Variants in SPRYD4 observed in about 807,000 individuals in gnomAD.
SPRYD4 encodes the protein SPRY domain-containing protein 4.
A neutral mutation model predicts 16.6 loss-of-function variants in SPRYD4; 12 were observed. The ratio of observed to expected loss-of-function variants is 0.72; its 90% CI spans 0.46 to 1.17. The LOEUF is 1.17. Ranked by LOEUF, SPRYD4 falls within the 50% of genes most tolerant of loss-of-function variation. SPRYD4 has a pLI of 0.00. For synonymous variants in SPRYD4, 98 were observed against 105.4 expected (o/e 0.93, Z 0.43); for missense variants, 260 against 260.2 (o/e 1.00, Z 0.00).
At position 56,472,623 on chromosome 12, in the gene SPRYD4, G is replaced by A. The variant is rs542322164; in HGVS notation, c.*3046G>A. The stretch of plus-strand genomic sequence containing the variant: ...CTGAAGCACTTAACTATTTTGTTAC[G>A]CTGCCTCCTAGTAAAATCTCTGACC... On this transcript the variant is annotated 3_prime_UTR_variant, in exon 2 of 2. Transcript: ENST00000338146. 25 of 1,392,990 alleles carry A rather than the reference G, an allele frequency of 1.8e-5. No homozygotes were observed. Among genetic ancestry groups the A allele is most frequent in the South Asian group, 3.5e-5 (3 of 85,498 alleles). 86.3% of individuals were successfully genotyped at this position (1,392,990 alleles called of 1,614,324 possible). A position where few individuals can be genotyped will look rare whatever the true frequency, so the allele number is the denominator to read the frequency against.
At position 56,472,421 on chromosome 12, in the gene SPRYD4, T is replaced by C; in HGVS notation, c.*2844T>C. 1.7e-6 allele frequency: 1 copy of C among 605,404 alleles called. No individual in the cohort carries two copies. The highest frequency in any genetic ancestry group is 2.9e-6 in the Non-Finnish European group (1 of 343,496). 37.5% of individuals were successfully genotyped at this position (605,404 alleles called of 1,614,324 possible). A position where few individuals can be genotyped will look rare whatever the true frequency, so the allele number is the denominator to read the frequency against. ...CCAGAAATATCACTCACTGCCTACC[T>C]GTGGTAAGTGCCCATTTGAGGCAGG... On this transcript the variant is annotated 3_prime_UTR_variant, in exon 2 of 2. Transcript: ENST00000338146.
Position 56,470,478 on chromosome 12 carries a change from C to T in SPRYD4, c.*901C>T, listed in dbSNP as rs1047669677. On this transcript the variant is annotated 3_prime_UTR_variant, in exon 2 of 2. Transcript: ENST00000338146. ...TAGCTAGGATTACAGGTGTGTGCCA[C>T]CATGCCCGTCTCATTTTTATATTTT... The T allele has an allele frequency of 5.9e-5, 9 of 152,156 alleles. No individual in the cohort carries two copies. Among genetic ancestry groups the T allele is most frequent in the African/African-American group, 2.2e-4 (9 of 41,420 alleles). 9.4% of individuals were successfully genotyped at this position (152,156 alleles called of 1,614,324 possible). A position where few individuals can be genotyped will look rare whatever the true frequency, so the allele number is the denominator to read the frequency against.
rs1251094046 is a variant in SPRYD4 at position 56,469,677 on chromosome 12, C to T, written c.*100C>T. On this transcript the variant is annotated 3_prime_UTR_variant, in exon 2 of 2. Transcript: ENST00000338146. ...TGCCTCAAGCAACCTCTAGCTCCCACAATTCAGTGTTGGGTCCTCTGTGCA... is the reference window on the plus strand; with the variant it reads ...TGCCTCAAGCAACCTCTAGCTCCCATAATTCAGTGTTGGGTCCTCTGTGCA... 6 of 1,181,204 alleles carry T rather than the reference C, an allele frequency of 5.1e-6. No homozygotes were observed. Among genetic ancestry groups the T allele is most frequent in the African/African-American group, 4.6e-5 (3 of 64,840 alleles). The allele number at this position is 1,181,204 out of a possible 1,614,324, so 73.2% of individuals were successfully genotyped here.
In SPRYD4 at chr12:56,471,650, G is replaced by C; in HGVS notation, c.*2073G>C. On this transcript the variant is annotated 3_prime_UTR_variant, in exon 2 of 2. Coordinates refer to ENST00000338146, the MANE Select transcript of SPRYD4 (RefSeq NM_207344.4). The stretch of plus-strand genomic sequence containing the variant: ...CAGGGGAATGTTGCCCCACCTGAGA[G>C]GAATAATGATATGATCAGGCAAAGG... The C allele has an allele frequency of 6.2e-7, 1 of 1,613,910 alleles. No individual in the cohort carries two copies. Among genetic ancestry groups the C allele is most frequent in the Non-Finnish European group, 8.5e-7 (1 of 1,179,870 alleles).
In SPRYD4 at chr12:56,475,147, G is replaced by A. The variant is rs1275060438; in HGVS notation, c.*5570G>A. 6.2e-7 allele frequency: 1 copy of A among 1,613,178 alleles called. No homozygotes were observed. The highest frequency in any genetic ancestry group is 8.5e-7 in the Non-Finnish European group (1 of 1,180,036). On this transcript the variant is annotated 3_prime_UTR_variant, in exon 2 of 2. Coordinates refer to ENST00000338146, the MANE Select transcript of SPRYD4 (RefSeq NM_207344.4). ...ACCCAATTTAGTACTTGAAGTTGGAGGAGTGGGTGTTGGGAGAAGGGGAAA... is the reference window on the plus strand; with the variant it reads ...ACCCAATTTAGTACTTGAAGTTGGAAGAGTGGGTGTTGGGAGAAGGGGAAA...
rs945265911 is a variant in SPRYD4, at chr12:56,473,222, C to A, written c.*3645C>A. 4.3e-6 allele frequency: 7 copies of A among 1,613,658 alleles called. No homozygotes were observed. The highest frequency in any genetic ancestry group is 5.9e-6 in the Non-Finnish European group (7 of 1,179,724). The stretch of plus-strand genomic sequence containing the variant: ...ATTCTTACAAGCCACCTGGAGTTTT[C>A]CTTACCCGAATTTCTGCCCCTTCAC... On this transcript the variant is annotated 3_prime_UTR_variant, in exon 2 of 2. Transcript: ENST00000338146.
chr12:56,469,622 C>T lies in SPRYD4; in HGVS notation c.*45C>T, dbSNP rs934501961. On this transcript the variant is annotated 3_prime_UTR_variant, in exon 2 of 2. Transcript: ENST00000338146. ...CCTAATCACGCCTTTGGCCAGCCTC[C>T]TTTTGAAAGTGTCCGAAGCCTTTTT... The T allele has an allele frequency of 7.0e-5, 108 of 1,552,016 alleles. No homozygotes were observed. The highest frequency in any genetic ancestry group is 9.1e-5 in the Non-Finnish European group (104 of 1,148,818).
In SPRYD4 at chr12:56,470,717, G is replaced by C. The variant is rs1359782844; in HGVS notation, c.*1140G>C. 6.6e-6 allele frequency: 1 copy of C among 152,168 alleles called. No homozygotes were observed. The highest frequency in any genetic ancestry group is 1.9e-4 in the East Asian group (1 of 5,190). The allele number at this position is 152,168 out of a possible 1,614,324, so 9.4% of individuals were successfully genotyped here. The stretch of plus-strand genomic sequence containing the variant: ...GGAGGCCTGAGGTTTTGCACAATCT[G>C]TTTCAGAGCCTGTTTAGACTCAAAC... On this transcript the variant is annotated 3_prime_UTR_variant, in exon 2 of 2. Coordinates refer to ENST00000338146, the MANE Select transcript of SPRYD4 (RefSeq NM_207344.4).
In SPRYD4 at chr12:56,474,967, G is replaced by C; in HGVS notation, c.*5390G>C. On this transcript the variant is annotated 3_prime_UTR_variant, in exon 2 of 2. Transcript: ENST00000338146. ...CTTTCACACTGTCAGGGTCTCAGCT[G>C]AAGCCCCCAACCCCTACTGCCCTTC... The C allele has an allele frequency of 6.2e-7, 1 of 1,613,696 alleles. No homozygotes were observed. Among genetic ancestry groups the C allele is most frequent in the Non-Finnish European group, 8.5e-7 (1 of 1,179,872 alleles).
In SPRYD4 at chr12:56,468,584, G is replaced by A. The variant is rs1308648139; in HGVS notation, c.-8G>A. 1.2e-6 allele frequency: 2 copies of A among 1,612,604 alleles called. No homozygotes were observed. The highest frequency in any genetic ancestry group is 1.7e-6 in the Non-Finnish European group (2 of 1,179,802). ...CGGGAGGCGTGCCCGGTTCATCCAA[G>A]GCGCAAGATGGCGCTGCTTTTTGCA... On this transcript the variant is annotated 5_prime_UTR_variant, in exon 1 of 2. Coordinates refer to ENST00000338146, the MANE Select transcript of SPRYD4 (RefSeq NM_207344.4).
chr12:56,475,442 A>G lies in SPRYD4; in HGVS notation c.*5865A>G. ...CTCATTATGTACTAATTAGAAATGG[A>G]ACAAATTATTTTACAAGATAAACAA... On this transcript the variant is annotated 3_prime_UTR_variant, in exon 2 of 2. Transcript: ENST00000338146. 1.4e-6 allele frequency: 1 copy of G among 719,486 alleles called. No homozygotes were observed. Among genetic ancestry groups the G allele is most frequent in the South Asian group, 1.9e-5 (1 of 52,498 alleles). 44.6% of individuals were successfully genotyped at this position (719,486 alleles called of 1,614,324 possible). A position where few individuals can be genotyped will look rare whatever the true frequency, so the allele number is the denominator to read the frequency against.
chr12:56,475,113 G>T lies in SPRYD4; in HGVS notation c.*5536G>T. On this transcript the variant is annotated 3_prime_UTR_variant, in exon 2 of 2. Coordinates refer to ENST00000338146, the MANE Select transcript of SPRYD4 (RefSeq NM_207344.4). ...CTGTTTCCTTCTCTGACTGGAATCT[G>T]AAGCAAACACCCAATTTAGTACTTG... 6.2e-7 allele frequency: 1 copy of T among 1,614,008 alleles called. No homozygotes were observed. The highest frequency in any genetic ancestry group is 8.5e-7 in the Non-Finnish European group (1 of 1,180,044).
Position 56,474,965 on chromosome 12 carries a change from C to G in SPRYD4, c.*5388C>G. 6.2e-7 allele frequency: 1 copy of G among 1,613,722 alleles called. No homozygotes were observed. The highest frequency in any genetic ancestry group is 1.7e-5 in the Admixed American group (1 of 60,016). Reference sequence around the variant, plus strand: ...CCCTTTCACACTGTCAGGGTCTCAGCTGAAGCCCCCAACCCCTACTGCCCT... The same window carrying G: ...CCCTTTCACACTGTCAGGGTCTCAGGTGAAGCCCCCAACCCCTACTGCCCT... On this transcript the variant is annotated 3_prime_UTR_variant, in exon 2 of 2. Transcript: ENST00000338146.
In SPRYD4 at chr12:56,476,296, G is replaced by A. The variant is rs530258995; in HGVS notation, c.*6719G>A. Reference sequence around the variant, plus strand: ...TCCCACTTCAGCCTCCAAGTAGCTCGGATTACAGGCATGAGCCAGCTTGCT... The same window carrying A: ...TCCCACTTCAGCCTCCAAGTAGCTCAGATTACAGGCATGAGCCAGCTTGCT... On this transcript the variant is annotated 3_prime_UTR_variant, in exon 2 of 2. Transcript: ENST00000338146. 2.7e-3 allele frequency: 880 copies of A among 324,064 alleles called. 8 individuals carry two copies. Among genetic ancestry groups the A allele is most frequent in the Middle Eastern group, 9.9e-3 (10 of 1,010 alleles). 20.1% of individuals were successfully genotyped at this position (324,064 alleles called of 1,614,324 possible). A position where few individuals can be genotyped will look rare whatever the true frequency, so the allele number is the denominator to read the frequency against.
chr12:56,478,454 C>T lies in SPRYD4; in HGVS notation c.*8877C>T, dbSNP rs146879023. On this transcript the variant is annotated 3_prime_UTR_variant, in exon 2 of 2. Transcript: ENST00000338146. ...CTAGAAGGCCATATCTTTGTGTATC[C>T]GCAATCCTGTAGAGATAGCAGTAAA... 5.6e-4 allele frequency: 335 copies of T among 599,272 alleles called. No homozygotes were observed. In the African/African-American group the frequency reaches 5.8e-3, roughly 10 times the overall value. 37.1% of individuals were successfully genotyped at this position (599,272 alleles called of 1,614,324 possible).
At position 56,478,438 on chromosome 12, in the gene SPRYD4, C is replaced by T; in HGVS notation, c.*8861C>T. On this transcript the variant is annotated 3_prime_UTR_variant, in exon 2 of 2. Transcript: ENST00000338146. Reference sequence around the variant, plus strand: ...GCCCGAGCCTTAAGTCCTAGAAGGCCATATCTTTGTGTATCCGCAATCCTG... The same window carrying T: ...GCCCGAGCCTTAAGTCCTAGAAGGCTATATCTTTGTGTATCCGCAATCCTG... 1.6e-6 allele frequency: 1 copy of T among 627,434 alleles called. No homozygotes were observed. The highest frequency in any genetic ancestry group is 2.8e-6 in the Non-Finnish European group (1 of 356,908). 38.9% of individuals were successfully genotyped at this position (627,434 alleles called of 1,614,324 possible).
chr12:56,475,405 C>G lies in SPRYD4; in HGVS notation c.*5828C>G, dbSNP rs1869714231. ...AAGAAAGGGCTTAGGCACAAACCAT[C>G]ACACTGCCTCTCTCATTATGTACTA... On this transcript the variant is annotated 3_prime_UTR_variant, in exon 2 of 2. Coordinates refer to ENST00000338146, the MANE Select transcript of SPRYD4 (RefSeq NM_207344.4). 1.4e-6 allele frequency: 1 copy of G among 711,182 alleles called. No individual in the cohort carries two copies. Among genetic ancestry groups the G allele is most frequent in the African/African-American group, 1.8e-5 (1 of 56,076 alleles). The allele number at this position is 711,182 out of a possible 1,614,324, so 44.1% of individuals were successfully genotyped here. A position where few individuals can be genotyped will look rare whatever the true frequency, so the allele number is the denominator to read the frequency against.
chr12:56,473,194 A>C lies in SPRYD4; in HGVS notation c.*3617A>C. The C allele has an allele frequency of 6.2e-7, 1 of 1,601,076 alleles. No homozygotes were observed. The highest frequency in any genetic ancestry group is 8.6e-7 in the Non-Finnish European group (1 of 1,168,550). ...GTGAGCCACCGCACCTGGCCTTTGA[A>C]ATATTCTTACAAGCCACCTGGAGTT... On this transcript the variant is annotated 3_prime_UTR_variant, in exon 2 of 2. Coordinates refer to ENST00000338146, the MANE Select transcript of SPRYD4 (RefSeq NM_207344.4).
rs1869544888 is a variant in SPRYD4, at chr12:56,473,942, GTAAA to G, written c.*4368_*4371del. On this transcript the variant is annotated 3_prime_UTR_variant, in exon 2 of 2. Coordinates refer to ENST00000338146, the MANE Select transcript of SPRYD4 (RefSeq NM_207344.4). ...GATAAATAGTGAGAAGTAGGGTGCTGTAAATAGAGGTAGAGGGGGGCCACATGAG... is the reference window on the plus strand; with the variant it reads ...GATAAATAGTGAGAAGTAGGGTGCTGTAGAGGTAGAGGGGGGCCACATGAG... 9.8e-6 allele frequency: 2 copies of G among 203,270 alleles called. No individual in the cohort carries two copies. Among genetic ancestry groups the G allele is most frequent in the South Asian group, 2.1e-4 (2 of 9,550 alleles). 12.6% of individuals were successfully genotyped at this position (203,270 alleles called of 1,614,324 possible).
Sources: allele counts gnomAD v4.1 joint callset, GRCh38; gene constraint gnomAD v4.1.1; transcripts MANE v1.5; gene names NCBI Gene and HGNC (gene_info 2026-07-23, HGNC 2026-07-21).